The following FAM193A variants were observed in gnomAD, a reference collection of about 807,000 sequenced individuals.
The protein encoded by FAM193A is protein FAM193A.
In FAM193A, 22 loss-of-function variants were observed where a neutral mutation model predicts 126.5. The observed-to-expected ratio is 0.17, with a 90% CI of 0.12 to 0.25. The LOEUF (loss-of-function observed/expected upper bound fraction) is 0.25, where lower values mean the gene tolerates loss of function less well. FAM193A is among the 10% of genes least tolerant of loss of function. The pLI is 1.00. For synonymous variants in FAM193A, 761 were observed against 646.8 expected, an observed-to-expected ratio of 1.18 and a Z score of -2.68; for missense variants, 1,675 against 1,672.8, an observed-to-expected ratio of 1.00 and a Z score of -0.02.
intron 2 of FAM193A, among the ~76,000 whole-genome samples, chr4:2,612,722 A>T (rs1166868844): frequency 3.9e-5 from 6 of 152,220 alleles, no homozygotes; most frequent in African/African-American, 7.2e-5. Context: ...TTTGTCAAAA[A>T]TCAGTTGGTT....
intron 19 of FAM193A, among the ~76,000 whole-genome samples, chr4:2,705,200 G>A (rs553047582): frequency 2.6e-5 from 4 of 152,132 alleles, no homozygotes; most frequent in East Asian, 3.9e-4. Flanking sequence ...ATGAGCCACC[G>A]CACCCAGCCA....
chr4:2,649,109 C>G (rs1383663010), intron 7 of FAM193A, among the ~76,000 whole-genome samples: 1 of 152,180 alleles, frequency 6.6e-6, no homozygotes, highest in East Asian at 1.9e-4. Flanking sequence ...TGCAGTGGCT[C>G]ACACCTATAA....
rs1442268201 is a variant in FAM193A, at chr4:2,699,691, A to G, written c.3519A>G (p.Lys1173=). Residue 1173 remains lysine (K), a synonymous_variant, in exon 19 of 21, where the codon AAA becomes AAG. Transcript: ENST00000637812. ...TTTTGCATTGGCAGCTGGAGGAGAA[A>G]GCTCGCCTAGAAGCAGAGGCCAGGG... is the stretch of plus-strand genomic sequence containing the variant. The part of the protein sequence containing the change: ...ARHKQRKLEE[K]ARLEAEARAR... 4 of 1,592,996 alleles carry G rather than the reference A, an allele frequency of 2.5e-6. No individual in the cohort carries two copies. Among genetic ancestry groups the G allele is most frequent in the Non-Finnish European group, 3.4e-6 (4 of 1,172,434 alleles).
intron 2 of FAM193A, among the ~76,000 whole-genome samples, chr4:2,607,000 A>G (rs1741587310): frequency 6.6e-6 from 1 of 152,200 alleles, no homozygotes; most frequent in South Asian, 2.1e-4. Flanking sequence ...CCAAATAACC[A>G]TAGTTTGGCC....
intron 1 of FAM193A, among the ~76,000 whole-genome samples, chr4:2,542,865 C>G (rs1027335698): frequency 1.3e-5 from 2 of 152,154 alleles, no homozygotes; most frequent in Non-Finnish European, 2.9e-5. Context: ...ATGTGTTATA[C>G]CCAGGACCAC....
chr4:2,677,462 C>T lies in FAM193A; in HGVS notation c.2331+5090C>T, dbSNP rs530013311. On this transcript the variant is annotated intron_variant, in intron 13 of 20. Coordinates refer to ENST00000637812, the MANE Select transcript of FAM193A (RefSeq NM_001366318.2). Reference sequence around the variant, plus strand: ...TTTTGTAGAGATTGTTTGGGTTGGCCGGGCACGGTGGCTTACACTTGTAAT... The same window carrying T: ...TTTTGTAGAGATTGTTTGGGTTGGCTGGGCACGGTGGCTTACACTTGTAAT... Among the ~76,000 whole-genome samples, 387 of 151,660 alleles carry T rather than the reference C, an allele frequency of 2.6e-3. 2 individuals are homozygous for T. The highest frequency in any genetic ancestry group is 0.01 in the South Asian group (49 of 4,792).
At chr4:2,674,295 GT>G (rs113541433) in intron 13 of FAM193A, among the ~76,000 whole-genome samples, 4,531 of 152,328 alleles carry the variant, frequency 0.03, 248 homozygotes, top group African/African-American at 0.1. Context: ...GTTGGATGCT[GT>G]TGACCACATC....
chr4:2,590,641 A>G (rs1238234232), intron 1 of FAM193A, among the ~76,000 whole-genome samples: 1 of 152,092 alleles, frequency 6.6e-6, no homozygotes, highest in African/African-American at 2.4e-5. Flanking sequence ...TGCTGGGTGC[A>G]TTATGGACAT....
intron 2 of FAM193A, among the ~76,000 whole-genome samples, chr4:2,621,630 T>G (rs769961737): frequency 6.6e-6 from 1 of 152,148 alleles, no homozygotes; most frequent in Non-Finnish European, 1.5e-5. Flanking sequence ...GAAATAGGTG[T>G]GCCACTAGAG....
chr4:2,689,791 G>C, intron 14 of FAM193A, 87 bp downstream of exon 14: 1 of 977,140 alleles, frequency 1.0e-6, no homozygotes, highest in South Asian at 1.6e-5. Context: ...GGAAGCCCTG[G>C]CGCAGCTGTA....
chr4:2,568,161 T>C (rs1360295435), intron 1 of FAM193A, among the ~76,000 whole-genome samples: 1 of 152,208 alleles, frequency 6.6e-6, no homozygotes, highest in African/African-American at 2.4e-5. Context: ...ACCTATACAT[T>C]GATTATATTT....
rs1350918302 is a variant in FAM193A, at chr4:2,601,431, C to T, written c.501+5102C>T. On this transcript the variant is annotated intron_variant, in intron 2 of 20. Transcript: ENST00000637812. ...TGTATTTTTAGTAGAGATGGGGTTT[C>T]GCCATGTTGGCCAGGCTGTTCTCTA... Among the ~76,000 whole-genome samples, 4 of 151,788 alleles carry T rather than the reference C, an allele frequency of 2.6e-5. No homozygotes were observed. The East Asian group carries it at 5.8e-4, about 22-fold the overall frequency.
At position 2,699,724 on chromosome 4, in the gene FAM193A, G is replaced by T; in HGVS notation, c.3552G>T (p.Glu1184Asp). 1 of 1,613,710 alleles carries T rather than the reference G, an allele frequency of 6.2e-7. No individual in the cohort carries two copies. Among genetic ancestry groups the T allele is most frequent in the Non-Finnish European group, 8.5e-7 (1 of 1,179,908 alleles). ...ARLEAEARAR[E>D]HLHLQEEQRR... ...TAGAAGCAGAGGCCAGGGCCCGGGA[G>T]CACCTGCACCTCCAGGAGGAGCAGA... Residue 1184 changes from glutamate (E) to aspartate (D), a missense_variant, in exon 19 of 21, where the codon GAG becomes GAT. Coordinates refer to ENST00000637812, the MANE Select transcript of FAM193A (RefSeq NM_001366318.2).
chr4:2,730,534 G>A (rs183468589), intron 20 of FAM193A, among the ~76,000 whole-genome samples: 335 of 152,104 alleles, frequency 2.2e-3, no homozygotes, highest in Non-Finnish European at 2.9e-3. Flanking sequence ...ACTAAAAATA[G>A]AAGAAATTAG....
At chr4:2,590,223 G>A (rs540812299) in intron 1 of FAM193A, among the ~76,000 whole-genome samples, 3 of 151,076 alleles carry the variant, frequency 2.0e-5, no homozygotes, top group Admixed American at 6.6e-5. Context: ...TGTAATCCCA[G>A]CACTTTGGGA....
Position 2,696,603 on chromosome 4 carries a change from A to G in FAM193A, c.3507+10A>G, listed in dbSNP as rs188045804. 4 of 1,608,704 alleles carry G rather than the reference A, an allele frequency of 2.5e-6. No individual in the cohort carries two copies. Among genetic ancestry groups the G allele is most frequent in the African/African-American group, 1.3e-5 (1 of 74,936 alleles). ...GCATAAGCAAAGGAAGGCAAGTGAC[A>G]GTTCTCAGCACCTGGAGGCGCCAGG... On this transcript the variant is annotated intron_variant, in intron 18 of 20. Coordinates refer to ENST00000637812, the MANE Select transcript of FAM193A (RefSeq NM_001366318.2).
intron 2 of FAM193A, among the ~76,000 whole-genome samples, chr4:2,616,168 G>A (rs565101950): frequency 6.6e-6 from 1 of 152,308 alleles, no homozygotes; most frequent in South Asian, 2.1e-4. Context: ...TTTGAGCTCT[G>A]TTGTTATTTA....
chr4:2,652,182 G>A (rs1745736439), intron 7 of FAM193A, among the ~76,000 whole-genome samples: 1 of 152,168 alleles, frequency 6.6e-6, no homozygotes, highest in Non-Finnish European at 1.5e-5. Context: ...GTGCAAATCA[G>A]CCTTGCCTGT....
chr4:2,640,736 A>G (rs1270494575), intron 6 of FAM193A, among the ~76,000 whole-genome samples: 1 of 152,124 alleles, frequency 6.6e-6, no homozygotes, highest in East Asian at 1.9e-4. Context: ...GGCCTTAAGC[A>G]GGCGGATCAC....
Sources: allele counts gnomAD v4.1 joint callset (sites outside exome capture counted in the v4.1 genomes callset), GRCh38; gene constraint gnomAD v4.1.1; transcripts MANE v1.5; gene names NCBI Gene and HGNC (gene_info 2026-07-23, HGNC 2026-07-21).